Variants in NPSR1 observed in about 807,000 individuals in gnomAD.
NPSR1 encodes neuropeptide S receptor 1.
Under a neutral mutation model 46.9 loss-of-function variants are expected in NPSR1, and 48 were observed. That is an observed-to-expected ratio of 1.02 (90% CI 0.81 to 1.30). The LOEUF (loss-of-function observed/expected upper bound fraction) is 1.30, where lower values mean the gene tolerates loss of function less well. Among genes scored for constraint, NPSR1 ranks in the 50% most tolerant of loss-of-function variants. The pLI, the probability that NPSR1 is intolerant of heterozygous loss-of-function variation, is 0.00. For synonymous variants in NPSR1, 176 were observed against 168.1 expected (o/e 1.05, Z -0.36); for missense variants, 450 against 449.5 (o/e 1.00, Z -0.01).
chr7:34,813,627 G>C (rs546469756), intron 4 of NPSR1, among the ~76,000 whole-genome samples: 1 of 152,282 alleles, frequency 6.6e-6, no homozygotes, highest in South Asian at 2.1e-4. Context: ...GCTAGATATT[G>C]TGTACAGAAA....
Position 34,739,078 on chromosome 7 carries a change from T to C in NPSR1, c.281-39384T>C, listed in dbSNP as rs190109448. Reference sequence around the variant, plus strand: ...TTGCAGCATGTATCAATACTTCATTTTTTTATGGCTGAAAAATAATACTCC... The same window carrying C: ...TTGCAGCATGTATCAATACTTCATTCTTTTATGGCTGAAAAATAATACTCC... On this transcript the variant is annotated intron_variant, in intron 2 of 8. Coordinates refer to ENST00000360581, the MANE Select transcript of NPSR1 (RefSeq NM_207172.2). 6.7e-4 allele frequency among the ~76,000 whole-genome samples: 102 copies of C among 152,380 alleles called. 1 individual carries two copies. Among genetic ancestry groups the C allele is most frequent in the Admixed American group, 2.8e-3 (43 of 15,302 alleles).
chr7:34,757,518 G>A (rs571177184), intron 2 of NPSR1, among the ~76,000 whole-genome samples: 1 of 152,274 alleles, frequency 6.6e-6, no homozygotes, highest in African/African-American at 2.4e-5. Context: ...AAAGGTGAGT[G>A]CCACCAGAAA....
At chr7:34,810,147 A>G (rs1224131038) in intron 3 of NPSR1, among the ~76,000 whole-genome samples, 1 of 152,218 alleles carries the variant, frequency 6.6e-6, no homozygotes, top group Non-Finnish European at 1.5e-5. Context: ...AATTCAGAAC[A>G]AAGATAACTG....
At chr7:34,813,015 G>A (rs1441357391) in intron 4 of NPSR1, among the ~76,000 whole-genome samples, 1 of 152,102 alleles carries the variant, frequency 6.6e-6, no homozygotes, top group Non-Finnish European at 1.5e-5. Flanking sequence ...CTATTGACAG[G>A]GGTATAAGTA....
intron 2 of NPSR1, among the ~76,000 whole-genome samples, chr7:34,725,639 T>C (rs1392385020): frequency 9.9e-5 from 15 of 152,202 alleles, no homozygotes; most frequent in Admixed American, 9.8e-4. Flanking sequence ...GAGAGACTCT[T>C]TTCCGCCCCA....
At chr7:34,667,361 C>A (rs1392204593) in intron 1 of NPSR1, among the ~76,000 whole-genome samples, 3 of 152,178 alleles carry the variant, frequency 2.0e-5, no homozygotes, top group Non-Finnish European at 2.9e-5. Context: ...GGGGGGTAGT[C>A]ATGGAGGAGT....
intron 2 of NPSR1, among the ~76,000 whole-genome samples, chr7:34,685,499 GAA>G (rs34485914): frequency 6.6e-6 from 1 of 150,642 alleles, no homozygotes; most frequent in East Asian, 1.9e-4. Flanking sequence ...TCAGACTATA[GAA>G]AAAAAAATGC....
intron 2 of NPSR1, among the ~76,000 whole-genome samples, chr7:34,769,256 T>C (rs1223346900): frequency 6.6e-6 from 1 of 152,216 alleles, no homozygotes; most frequent in East Asian, 1.9e-4. Context: ...CTTCACAATG[T>C]ACATCCTCTC....
intron 4 of NPSR1, among the ~76,000 whole-genome samples, chr7:34,819,921 G>C (rs1789470293): frequency 6.6e-6 from 1 of 152,146 alleles, no homozygotes; most frequent in Non-Finnish European, 1.5e-5. Context: ...GGGCCTGTCA[G>C]GGAGTGAGGG....
chr7:34,715,933 C>G (rs1437578467), intron 2 of NPSR1, among the ~76,000 whole-genome samples: 5 of 151,940 alleles, frequency 3.3e-5, no homozygotes, highest in Admixed American at 6.6e-5. Flanking sequence ...GGATGTACTA[C>G]CATGAGAAGA....
At chr7:34,783,668 T>C (rs1787333456) in intron 3 of NPSR1, among the ~76,000 whole-genome samples, 1 of 150,958 alleles carries the variant, frequency 6.6e-6, no homozygotes, top group Non-Finnish European at 1.5e-5. Flanking sequence ...AGGTCAGAAG[T>C]TTCTAATCAG....
intron 2 of NPSR1, among the ~76,000 whole-genome samples, chr7:34,721,919 AT>A (rs1372847504): frequency 6.6e-6 from 1 of 152,198 alleles, no homozygotes; most frequent in African/African-American, 2.4e-5. Flanking sequence ...GATAAGCATA[AT>A]TGGTACAATG....
chr7:34,790,959 G>T lies in NPSR1; in HGVS notation c.384+12394G>T, dbSNP rs1418429739. Among the ~76,000 whole-genome samples, 48 of 73,226 alleles carry T rather than the reference G, an allele frequency of 6.6e-4. 1 individual carries two copies. Among genetic ancestry groups the T allele is most frequent in the African/African-American group, 1.4e-3 (33 of 23,788 alleles). The allele number at this position is 73,226 out of a possible 152,430, so 48.0% of individuals were successfully genotyped here. A position where few individuals can be genotyped will look rare whatever the true frequency, so the allele number is the denominator to read the frequency against. On this transcript the variant is annotated intron_variant, in intron 3 of 8. Coordinates refer to ENST00000360581, the MANE Select transcript of NPSR1 (RefSeq NM_207172.2). ...ATATTATATATCATATATGTTATAT[G>T]TTATATTATATATGTTATATGTTAT...
intron 2 of NPSR1, chr7:34,685,701 A>G (rs1422858213): frequency 2.3e-6 from 1 of 427,624 alleles, no homozygotes; most frequent in South Asian, 1.7e-5. Flanking sequence ...AGAGAATCTT[A>G]GCCATACATT....
chr7:34,763,913 T>G (rs886627197), intron 2 of NPSR1, among the ~76,000 whole-genome samples: 1 of 152,214 alleles, frequency 6.6e-6, no homozygotes, highest in African/African-American at 2.4e-5. Context: ...TTAGAAAGAC[T>G]TGACTTTTTT....
chr7:34,774,403 A>AT (rs1786846059), intron 2 of NPSR1, among the ~76,000 whole-genome samples: 1 of 152,134 alleles, frequency 6.6e-6, no homozygotes, highest in Non-Finnish European at 1.5e-5. Flanking sequence ...TATGGGTTTG[A>AT]TCCCAGATGT....
intron 5 of NPSR1, among the ~76,000 whole-genome samples, chr7:34,827,854 A>C (rs1789936100): frequency 6.6e-6 from 1 of 152,246 alleles, no homozygotes; most frequent in South Asian, 2.1e-4. Flanking sequence ...AACAATTATC[A>C]CATTAGCCAC....
chr7:34,817,730 C>G (rs370540933), intron 4 of NPSR1, among the ~76,000 whole-genome samples: 101 of 151,862 alleles, frequency 6.7e-4, no homozygotes, highest in South Asian at 3.8e-3. Flanking sequence ...ATGATCAAGT[C>G]GGCTTCATCC....
intron 3 of NPSR1, among the ~76,000 whole-genome samples, chr7:34,799,009 AT>A (rs1456467785): frequency 1.3e-5 from 2 of 152,174 alleles, no homozygotes; most frequent in Non-Finnish European, 2.9e-5. Context: ...AAATAAAAAA[AT>A]GTGATATTAA....
Sources: gnomAD v4.1 joint callset for allele counts (sites outside exome capture counted in the v4.1 genomes callset) on GRCh38, gnomAD v4.1.1 for gene constraint, MANE v1.5 for transcripts, NCBI Gene and HGNC (gene_info 2026-07-23, HGNC 2026-07-21) for gene names.